Variants in SP140 observed in about 807,000 individuals in gnomAD.
The protein encoded by SP140 is SP140 nuclear body protein.
A neutral mutation model predicts 125.0 loss-of-function variants in SP140; 81 were observed. The observed-to-expected ratio is 0.65, with a 90% CI of 0.54 to 0.78. The LOEUF (loss-of-function observed/expected upper bound fraction) is 0.78. SP140 is among the 30% of genes least tolerant of loss of function. The probability of loss-of-function intolerance (pLI) is 0.00; values close to 1 mark genes in which losing one functional copy is unlikely to be tolerated. For synonymous variants in SP140, 312 were observed against 354.0 expected, an observed-to-expected ratio of 0.88 and a Z score of 1.33; for missense variants, 858 against 1,037.0, an observed-to-expected ratio of 0.83 and a Z score of 2.37.
At chr2:230,274,882 A>G (rs1353694035) in intron 15 of SP140, among the ~76,000 whole-genome samples, 2 of 152,122 alleles carry the variant, frequency 1.3e-5, no homozygotes, top group African/African-American at 2.4e-5. Flanking sequence ...AAATGAATAC[A>G]TTTAAACTGT....
intron 12 of SP140, among the ~76,000 whole-genome samples, chr2:230,261,143 GA>G (rs758406699): frequency 1.6e-4 from 25 of 152,112 alleles, no homozygotes; most frequent in Non-Finnish European, 3.4e-4. Context: ...TTTCCTTGTA[GA>G]GGTCTTTCGA....
intron 15 of SP140, among the ~76,000 whole-genome samples, chr2:230,277,072 A>T (rs915137023): frequency 6.6e-6 from 1 of 152,190 alleles, no homozygotes; most frequent in South Asian, 2.1e-4. Flanking sequence ...ATGACAACAA[A>T]GGATTTAGAA....
chr2:230,208,141 T>C, intron 1 of SP140: 1 of 858,358 alleles, frequency 1.2e-6, no homozygotes, highest in Non-Finnish European at 1.9e-6. Context: ...CTTTTACTTT[T>C]GGTCTTCAAA....
the SP140 span, chr2:230,186,209 T>G: frequency 6.8e-7 from 1 of 1,478,262 alleles, no homozygotes; most frequent in Non-Finnish European, 9.4e-7. Flanking sequence ...CCCTACCCTT[T>G]CAGGAGTTAT....
At chr2:230,290,277 T>C (rs1434730380) in intron 18 of SP140, among the ~76,000 whole-genome samples, 183 bp from the exon 19 acceptor site, 1 of 152,094 alleles carries the variant, frequency 6.6e-6, no homozygotes, top group Admixed American at 6.6e-5. Flanking sequence ...AAAGGTGAAA[T>C]TGGGGTAGAC....
intron 11 of SP140, among the ~76,000 whole-genome samples, chr2:230,255,150 G>A (rs778734757): frequency 6.6e-6 from 1 of 152,206 alleles, no homozygotes; most frequent in Non-Finnish European, 1.5e-5. Context: ...GGAGCCACTG[G>A]CAGCAGGAAA....
intron 7 of SP140, 108 bp from the exon 8 acceptor site, chr2:230,247,808 G>T: frequency 9.0e-7 from 1 of 1,108,568 alleles, no homozygotes; most frequent in Non-Finnish European, 1.3e-6. Flanking sequence ...TTAGCCCTGT[G>T]CTTGAAAAAG....
chr2:230,272,938 T>C (rs926978452), intron 15 of SP140, among the ~76,000 whole-genome samples: 1 of 152,096 alleles, frequency 6.6e-6, no homozygotes, highest in Non-Finnish European at 1.5e-5. Flanking sequence ...TATACAAAAA[T>C]TATCTCAAGA....
chr2:230,288,518 T>TTTCTTTCTTTC (rs1553600262), intron 18 of SP140, among the ~76,000 whole-genome samples: 4,392 of 111,190 alleles, frequency 0.04, 184 homozygotes, highest in South Asian at 0.056. Flanking sequence ...TCTTTCTTTC[T>TTTCTTTCTTTC]TTCTTTTTTT....
chr2:230,315,436 C>G (rs373009438), downstream of SP140, among the ~76,000 whole-genome samples: 1 of 152,098 alleles, frequency 6.6e-6, no homozygotes, highest in African/African-American at 2.4e-5. Context: ...CTATCATAGC[C>G]CCTGTTAGAG....
At chr2:230,254,490 G>T (rs905257789) in intron 11 of SP140, among the ~76,000 whole-genome samples, 5 of 152,178 alleles carry the variant, frequency 3.3e-5, no homozygotes, top group Non-Finnish European at 7.3e-5. Flanking sequence ...CCATCTGTGT[G>T]CCTGAAGACT....
At chr2:230,202,973 G>C, upstream of SP140, 2 of 541,028 alleles carry the variant, frequency 3.7e-6, no homozygotes, top group African/African-American at 1.9e-5. Flanking sequence ...CAATCAACTA[G>C]ATAAAGCTGG....
chr2:230,292,612 G>T, intron 19 of SP140, 34 bp from the exon 20 acceptor site: 1 of 1,613,648 alleles, frequency 6.2e-7, no homozygotes, highest in Non-Finnish European at 8.5e-7. Context: ...TGGGAAAAAA[G>T]AGGGCTCAGG....
chr2:230,278,352 T>C (rs909881535), intron 15 of SP140, among the ~76,000 whole-genome samples: 2 of 152,018 alleles, frequency 1.3e-5, no homozygotes, highest in Non-Finnish European at 2.9e-5. Context: ...TTTTGTTTTG[T>C]TTTTTTGCTA....
At chr2:230,257,790 G>A (rs2051487072) in intron 12 of SP140, among the ~76,000 whole-genome samples, 1 of 151,902 alleles carries the variant, frequency 6.6e-6, no homozygotes, top group African/African-American at 2.4e-5. Flanking sequence ...AAAAATAAGG[G>A]GCCACCACTT....
intron 12 of SP140, among the ~76,000 whole-genome samples, chr2:230,257,948 C>A (rs1284760809): frequency 1.3e-5 from 2 of 151,278 alleles, no homozygotes; most frequent in Non-Finnish European, 2.9e-5. Context: ...GTTAGCTGAC[C>A]TTTAGTGAAA....
At chr2:230,212,794 G>T (rs750052870) in intron 1 of SP140, 1 of 1,614,060 alleles carries the variant, frequency 6.2e-7, no homozygotes, top group East Asian at 2.2e-5. Flanking sequence ...ATGAGTGCAG[G>T]GAGAGGCAGG....
At chr2:230,190,795 A>G in the SP140 span, among the ~76,000 whole-genome samples, 53 of 152,320 alleles carry the variant, frequency 3.5e-4, no homozygotes, top group Admixed American at 3.5e-3. Flanking sequence ...TTTTCCTGGC[A>G]CCATTTATTA....
chr2:230,305,001 A>G (rs369157001), intron 22 of SP140, among the ~76,000 whole-genome samples: 12 of 152,266 alleles, frequency 7.9e-5, no homozygotes, highest in African/African-American at 2.9e-4. Context: ...TTTGCAAACT[A>G]TGCATCCGAC....
Sources: allele counts gnomAD v4.1 joint callset (sites outside exome capture counted in the v4.1 genomes callset), GRCh38; gene constraint gnomAD v4.1.1; transcripts MANE v1.5; gene names NCBI Gene and HGNC (gene_info 2026-07-23, HGNC 2026-07-21).